Variants in CPQ observed in about 807,000 individuals in gnomAD.
CPQ encodes the protein carboxypeptidase Q.
A neutral mutation model predicts 45.7 loss-of-function variants in CPQ; 37 were observed. The observed-to-expected ratio is 0.81, with a 90% CI of 0.62 to 1.07. The LOEUF is 1.07. Ranked by LOEUF, CPQ falls within the 50% of genes least tolerant of loss-of-function variation. CPQ has a pLI of 0.00. For missense variants in CPQ, 537 were observed against 572.9 expected, an observed-to-expected ratio of 0.94 and a Z score of 0.64; for synonymous variants, 186 against 205.8, an observed-to-expected ratio of 0.90 and a Z score of 0.82.
chr8:96,949,256 AT>A (rs5893402), intron 4 of CPQ, among the ~76,000 whole-genome samples: 2,949 of 146,636 alleles, frequency 0.02, 59 homozygotes, highest in African/African-American at 0.047. Flanking sequence ...TGTTTTCTTG[AT>A]TTTTTTTTTT....
chr8:97,086,113 G>C (rs993735551), intron 7 of CPQ, among the ~76,000 whole-genome samples: 2 of 152,100 alleles, frequency 1.3e-5, no homozygotes, highest in African/African-American at 4.8e-5. Context: ...TGGGAAGGGA[G>C]CAATTTTAAT....
At chr8:96,846,882 C>T (rs1432617801) in intron 3 of CPQ, among the ~76,000 whole-genome samples, 3 of 152,104 alleles carry the variant, frequency 2.0e-5, no homozygotes, top group African/African-American at 7.2e-5. Context: ...CTTTAGTCTC[C>T]TTATATCTAA....
At chr8:96,992,934 C>A (rs75108807) in intron 5 of CPQ, among the ~76,000 whole-genome samples, 3,392 of 152,188 alleles carry the variant, frequency 0.022, 78 homozygotes, top group African/African-American at 0.06. Context: ...GACAGATACA[C>A]AAATGGGCAG....
chr8:96,767,425 A>C (rs1163342622), intron 1 of CPQ, among the ~76,000 whole-genome samples: 1 of 150,430 alleles, frequency 6.6e-6, no homozygotes, highest in Non-Finnish European at 1.5e-5. Context: ...CGTTTTTGGC[A>C]CTCCCTAGAG....
chr8:96,984,912 A>C (rs1048779487), intron 5 of CPQ, among the ~76,000 whole-genome samples: 3 of 152,176 alleles, frequency 2.0e-5, no homozygotes, highest in African/African-American at 7.2e-5. Context: ...TATGTTTATG[A>C]ACTATTATTT....
chr8:96,792,515 G>T (rs768632472), intron 2 of CPQ, among the ~76,000 whole-genome samples: 3 of 152,104 alleles, frequency 2.0e-5, no homozygotes, highest in Non-Finnish European at 4.4e-5. Flanking sequence ...TTTTAGGATT[G>T]TATGTTTTTA....
chr8:96,895,042 T>C (rs1025094643), intron 4 of CPQ, among the ~76,000 whole-genome samples: 1 of 152,214 alleles, frequency 6.6e-6, no homozygotes, highest in Non-Finnish European at 1.5e-5. Context: ...ATTTATTGAG[T>C]GCCGTCCGTG....
chr8:96,707,377 A>G (rs1809545819), intron 1 of CPQ, among the ~76,000 whole-genome samples: 3 of 152,160 alleles, frequency 2.0e-5, no homozygotes, highest in Admixed American at 1.3e-4. Context: ...GGCCTAGTGC[A>G]AGTATCTACT....
chr8:96,974,663 C>G (rs1189676011), intron 5 of CPQ, among the ~76,000 whole-genome samples: 1 of 152,032 alleles, frequency 6.6e-6, no homozygotes, highest in Non-Finnish European at 1.5e-5. Context: ...ATATCTAGTA[C>G]TTTCTCAGAC....
intron 1 of CPQ, among the ~76,000 whole-genome samples, chr8:96,719,347 C>T (rs1286947496): frequency 1.3e-5 from 2 of 152,236 alleles, no homozygotes; most frequent in Non-Finnish European, 2.9e-5. Flanking sequence ...TTCCTCATTG[C>T]CCAGGGCTGG....
At chr8:97,083,579 T>C (rs1207392669) in intron 7 of CPQ, among the ~76,000 whole-genome samples, 1 of 152,178 alleles carries the variant, frequency 6.6e-6, no homozygotes, top group Non-Finnish European at 1.5e-5. Flanking sequence ...ATTAATAACA[T>C]TACTAGCTCT....
chr8:97,100,541 A>G (rs1811285597), intron 7 of CPQ, among the ~76,000 whole-genome samples: 2 of 152,196 alleles, frequency 1.3e-5, no homozygotes, highest in South Asian at 4.1e-4. Flanking sequence ...TTAGACATCT[A>G]TCTGGTTTTG....
chr8:96,678,526 C>T (rs558724558), intron 1 of CPQ, among the ~76,000 whole-genome samples: 106 of 152,114 alleles, frequency 7.0e-4, no homozygotes, highest in African/African-American at 2.4e-3. Context: ...AATTTAGATT[C>T]CCACCAACAG....
chr8:96,721,897 AATTCCT>A (rs1208098301), intron 1 of CPQ, among the ~76,000 whole-genome samples: 2 of 151,850 alleles, frequency 1.3e-5, no homozygotes, highest in Non-Finnish European at 2.9e-5. Context: ...CTTTTTCCGG[AATTCCT>A]ACTCTGTCTC....
chr8:96,783,309 C>T (rs984148622), intron 1 of CPQ, among the ~76,000 whole-genome samples: 3 of 151,332 alleles, frequency 2.0e-5, no homozygotes, highest in Non-Finnish European at 4.4e-5. Flanking sequence ...ATACCACAGA[C>T]GGAGTAATTT....
chr8:96,968,070 T>C (rs962502060), intron 5 of CPQ, among the ~76,000 whole-genome samples: 2 of 152,200 alleles, frequency 1.3e-5, no homozygotes, highest in African/African-American at 4.8e-5. Context: ...TTAGTTTACC[T>C]CCATCCCCAT....
chr8:96,765,041 A>G (rs1170494224), intron 1 of CPQ, among the ~76,000 whole-genome samples: 1 of 152,220 alleles, frequency 6.6e-6, no homozygotes, highest in African/African-American at 2.4e-5. Flanking sequence ...GGAACAAGAA[A>G]GAATAGTAAC....
At chr8:96,832,774 T>G (rs1189744789) in intron 2 of CPQ, among the ~76,000 whole-genome samples, 1 of 152,124 alleles carries the variant, frequency 6.6e-6, no homozygotes, top group Non-Finnish European at 1.5e-5. Flanking sequence ...GAAAAGTGTC[T>G]GTATAGGTAG....
rs76951319 is a variant in CPQ at position 96,689,670 on chromosome 8, C to T, written c.-35+44268C>T. 1.8e-3 allele frequency among the ~76,000 whole-genome samples: 270 copies of T among 151,758 alleles called. 4 individuals are homozygous for T. The East Asian group carries it at 0.02, about 11-fold the overall frequency. ...TTCTTATTTCCTTGAGGACTTTTCT[C>T]TAGATGGGAAAAATTATGTATTGAA... On this transcript the variant is annotated intron_variant, in intron 1 of 7. Transcript: ENST00000220763.
Sources: allele counts gnomAD v4.1 joint callset (sites outside exome capture counted in the v4.1 genomes callset), GRCh38; gene constraint gnomAD v4.1.1; transcripts MANE v1.5; gene names NCBI Gene and HGNC (gene_info 2026-07-23, HGNC 2026-07-21).